The following HDGF variants were observed in gnomAD, a reference collection of about 807,000 sequenced individuals.
HDGF encodes heparin binding growth factor.
A neutral mutation model predicts 30.0 loss-of-function variants in HDGF; 5 were observed. The ratio of observed to expected loss-of-function variants is 0.17; its 90% confidence interval spans 0.09 to 0.35. The LOEUF is 0.35. Among genes scored for constraint, HDGF ranks in the 10% least tolerant of loss-of-function variants. The pLI is 1.00. For missense variants in HDGF, 214 were observed against 302.8 expected (o/e 0.71, Z 2.18); for synonymous variants, 133 against 112.7 (o/e 1.18, Z -1.14).
intron 2 of HDGF, among the ~76,000 whole-genome samples, chr1:156,758,593 A>AAAG (rs1651190604): frequency 1.3e-5 from 1 of 79,016 alleles, no homozygotes. Context: ...ACTCCGTCTC[A>AAAG]AAAAAAAAAA....
upstream of HDGF, chr1:156,752,229 C>T (rs1308085271): frequency 1.3e-6 from 2 of 1,551,790 alleles, no homozygotes; most frequent in Non-Finnish European, 1.7e-6. Context: ...CCGTGCTTAC[C>T]GTATGGGGGG....
chr1:156,751,062 G>A lies in HDGF; in HGVS notation c.87+281C>T, dbSNP rs1251320653. 6.6e-6 allele frequency among the ~76,000 whole-genome samples: 1 copy of A among 152,116 alleles called. No individual in the cohort carries two copies. The highest frequency in any genetic ancestry group is 2.4e-5 in the African/African-American group (1 of 41,406). ...GGGCTGGGGGCGGAACTGAGCACGC[G>A]GAGCTGGGGGCCGGGAAGTGACCGG... is the stretch of plus-strand genomic sequence containing the variant. On this transcript the variant is annotated intron_variant, in intron 1 of 5. Transcript: ENST00000357325. This position sits in a 1 kb window ranked among gnomAD's most constrained non-coding sequence, Gnocchi z 4.7.
chr1:156,743,905 G>C (rs1650318735), intron 4 of HDGF, 27 bp from the exon 5 acceptor site: 6 of 1,566,416 alleles, frequency 3.8e-6, no homozygotes, highest in Non-Finnish European at 5.3e-6. Flanking sequence ...GAGGAAGTGG[G>C]CTGAGGCTGG....
chr1:156,743,225 G>A lies in HDGF; in HGVS notation c.*224C>T, dbSNP rs539607564. 10 of 469,996 alleles carry A rather than the reference G, an allele frequency of 2.1e-5. No individual in the cohort carries two copies. Among genetic ancestry groups the A allele is most frequent in the Non-Finnish European group, 3.4e-5 (9 of 263,960 alleles). 29.1% of individuals were successfully genotyped at this position (469,996 alleles called of 1,614,324 possible). ...CATTCCAGGGAGAAGACATGGCTCT[G>A]ACTCAGATCATAGGAGTATGGGGAC... is the stretch of plus-strand genomic sequence containing the variant. On this transcript the variant is annotated 3_prime_UTR_variant, in exon 6 of 6. Coordinates refer to ENST00000357325, the MANE Select transcript of HDGF (RefSeq NM_004494.3).
intron 2 of HDGF, among the ~76,000 whole-genome samples, chr1:156,757,900 G>A (rs1265206021): frequency 6.6e-6 from 1 of 152,208 alleles, no homozygotes; most frequent in African/African-American, 2.4e-5. Context: ...GGCTAGTATG[G>A]TGTAAATACA....
intron 1 of HDGF, chr1:156,759,220 C>T (rs1478595383): frequency 6.6e-6 from 1 of 152,116 alleles, no homozygotes; most frequent in African/African-American, 2.4e-5. Context: ...ATGATGCAAA[C>T]TTTAGGAGGT....
chr1:156,767,218 G>A (rs1373826805), upstream of HDGF, among the ~76,000 whole-genome samples: 4 of 152,116 alleles, frequency 2.6e-5, no homozygotes, highest in Non-Finnish European at 4.4e-5. Flanking sequence ...AGTGGCCAAG[G>A]GGCTACCCTA....
At chr1:156,747,549 G>A (rs1650670976) in intron 1 of HDGF, 1 of 151,966 alleles carries the variant, frequency 6.6e-6, no homozygotes, top group African/African-American at 2.4e-5. Flanking sequence ...GCGCCCCCAG[G>A]GGTTAGAGAT....
Position 156,745,525 on chromosome 1 carries a change from GAC to G in HDGF, c.88-154_88-153del. Reference sequence around the variant, plus strand: ...TGGCTTTTGGGCCATTTTTAGCAGTGACACTTTATTCAAATGAAGTCAGACAT... The same window carrying G: ...TGGCTTTTGGGCCATTTTTAGCAGTGACTTTATTCAAATGAAGTCAGACAT... On this transcript the variant is annotated intron_variant, in intron 1 of 5. Transcript: ENST00000357325. The G allele has an allele frequency of 1.1e-5, 7 of 624,954 alleles. No homozygotes were observed. In the South Asian group the frequency reaches 1.4e-4, roughly 13 times the overall value. 38.7% of individuals were successfully genotyped at this position (624,954 alleles called of 1,614,324 possible).
intron 2 of HDGF, among the ~76,000 whole-genome samples, chr1:156,758,091 A>G (rs937765501): frequency 6.6e-6 from 1 of 151,768 alleles, no homozygotes; most frequent in Non-Finnish European, 1.5e-5. Context: ...TGAGGTCAGG[A>G]GTTCGAGACC....
upstream of HDGF, among the ~76,000 whole-genome samples, chr1:156,757,008 G>A (rs1465186487): frequency 3.3e-5 from 5 of 151,856 alleles, no homozygotes; most frequent in African/African-American, 1.2e-4. Context: ...GGCCAGGCTG[G>A]TCTCGAACTC....
chr1:156,746,163 A>T (rs1286682221), intron 1 of HDGF, among the ~76,000 whole-genome samples: 1 of 152,178 alleles, frequency 6.6e-6, no homozygotes, highest in Non-Finnish European at 1.5e-5. Flanking sequence ...CTTTCCTAAG[A>T]CTTCCCCTTT....
Position 156,751,280 on chromosome 1 carries a change from CT to C in HDGF, c.87+62del. ...CCGCTCCGCGCGGAGCGCTCGTGCCCTTCCCGGTGTTATGCAACCCAAGCCC... is the reference window on the plus strand; with the variant it reads ...CCGCTCCGCGCGGAGCGCTCGTGCCCTCCCGGTGTTATGCAACCCAAGCCC... On this transcript the variant is annotated intron_variant, in intron 1 of 5. Coordinates refer to ENST00000357325, the MANE Select transcript of HDGF (RefSeq NM_004494.3). The surrounding 1 kb of genome is among the most constrained non-coding windows in gnomAD (Gnocchi z 4.7). 1 of 1,565,980 alleles carries C rather than the reference CT, an allele frequency of 6.4e-7. No homozygotes were observed. Among genetic ancestry groups the C allele is most frequent in the East Asian group, 2.4e-5 (1 of 41,282 alleles).
rs562299927 is a variant in HDGF, at chr1:156,744,284, C to T, written c.368G>A (p.Gly123Asp). ...EPEPEAAEGD[G>D]DKKGNAEGSS... ...GCCCTCTGCATTCCCCTTCTTATCA[C>T]CGTCACCCTCTGCAGCTTCGGGCTC... Residue 123 changes from glycine (G) to aspartate (D), a missense_variant, in exon 4 of 6, where the codon GGT (glycine) becomes GAT (aspartate). This residue lies in a region of HDGF where 176 missense variants were observed against 211.7 expected (regional missense o/e 0.83). Coordinates refer to ENST00000357325, the MANE Select transcript of HDGF (RefSeq NM_004494.3). 5 of 1,614,172 alleles carry T rather than the reference C, an allele frequency of 3.1e-6. No homozygotes were observed. The Admixed American group carries it at 6.7e-5, about 22-fold the overall frequency.
At position 156,751,017 on chromosome 1, in the gene HDGF, C is replaced by T. The variant is rs1650935915; in HGVS notation, c.87+326G>A. On this transcript the variant is annotated intron_variant, in intron 1 of 5. Transcript: ENST00000357325. This position sits in a 1 kb window ranked among gnomAD's most constrained non-coding sequence, Gnocchi z 4.7. Reference sequence around the variant, plus strand: ...CTGGCCCAAAGCCAGACTTCGCGCTCGAAACCTCTGGGAGTATGGGGGCTG... The same window carrying T: ...CTGGCCCAAAGCCAGACTTCGCGCTTGAAACCTCTGGGAGTATGGGGGCTG... Among the ~76,000 whole-genome samples, 1 of 151,310 alleles carries T rather than the reference C, an allele frequency of 6.6e-6. No individual in the cohort carries two copies. The highest frequency in any genetic ancestry group is 6.6e-5 in the Admixed American group (1 of 15,224).
At chr1:156,751,945 C>T (rs1651013830), upstream of HDGF, 7 of 1,188,006 alleles carry the variant, frequency 5.9e-6, no homozygotes, top group Non-Finnish European at 1.2e-6. This position sits in a 1 kb window ranked among gnomAD's most constrained non-coding sequence, Gnocchi z 4.7. Context: ...TTTGTGTGCC[C>T]GCGGTCGGTG....
upstream of HDGF, chr1:156,752,024 C>T (rs1409158001): frequency 1.3e-6 from 2 of 1,550,244 alleles, no homozygotes; most frequent in Non-Finnish European, 1.7e-6. Context: ...CCCCCGACTC[C>T]GCGGAGCGCT....
At position 156,743,526 on chromosome 1, in the gene HDGF, C is replaced by CG. The variant is rs531911597; in HGVS notation, c.717-72dup. 2.5e-4 allele frequency: 402 copies of CG among 1,586,522 alleles called. 5 individuals carry two copies. In the African/African-American group the frequency reaches 5.1e-3, roughly 20 times the overall value. On this transcript the variant is annotated intron_variant, in intron 5 of 5. Coordinates refer to ENST00000357325, the MANE Select transcript of HDGF (RefSeq NM_004494.3). The stretch of plus-strand genomic sequence containing the variant: ...GGCCTGGCCTTGCCCCAGCCAGTGC[C>CG]GGTCTCCTAGGAGAGCCCACCCTGC...
chr1:156,743,661 T>C lies in HDGF; in HGVS notation c.707A>G (p.Asp236Gly). 3 of 1,611,510 alleles carry C rather than the reference T, an allele frequency of 1.9e-6. No homozygotes were observed. The highest frequency in any genetic ancestry group is 2.5e-6 in the Non-Finnish European group (3 of 1,177,866). Residue 236 changes from aspartate (D) to glycine (G), a missense_variant, in exon 5 of 6, where the codon GAT becomes GGT. Physicochemically the swap from Asp to Gly is moderately conservative, Grantham distance 94. This residue lies in a region of HDGF where 176 missense variants were observed against 211.7 expected (regional missense o/e 0.83). Transcript: ENST00000357325. ...CAGGGGGCTCACTCACCTCTCATGA[T>C]CTCTGATGCCTGGGGCCTCAGCATC... ...KEDAEAPGIR[D>G]HESL is the part of the protein sequence containing the mutation.
Sources: gnomAD v4.1 joint callset for allele counts (sites outside exome capture counted in the v4.1 genomes callset) on GRCh38, gnomAD v4.1.1 for gene constraint, gnomAD v4.1.1 regional missense constraint, Gnocchi (gnomAD v3.1) non-coding constraint, MANE v1.5 for transcripts, NCBI Gene and HGNC (gene_info 2026-07-23, HGNC 2026-07-21) for gene names.